The following POLR3G variants were observed in gnomAD, a reference collection of about 807,000 sequenced individuals.
The protein encoded by POLR3G is RNA polymerase III subunit G.
A neutral mutation model predicts 30.1 loss-of-function variants in POLR3G; 28 were observed. The observed-to-expected ratio is 0.93, with a 90% CI of 0.69 to 1.27. POLR3G has a LOEUF of 1.27. Among genes scored for constraint, POLR3G ranks in the 50% most tolerant of loss-of-function variants. The probability of loss-of-function intolerance (pLI) is 0.00; values close to 1 mark genes in which losing one functional copy is unlikely to be tolerated. For synonymous variants in POLR3G, 79 were observed against 82.5 expected, an observed-to-expected ratio of 0.96 and a Z score of 0.23; for missense variants, 254 against 264.6, an observed-to-expected ratio of 0.96 and a Z score of 0.28.
intron 7 of POLR3G, among the ~76,000 whole-genome samples, chr5:90,511,842 T>C (rs1009727324): frequency 6.6e-6 from 1 of 152,174 alleles, no homozygotes; most frequent in African/African-American, 2.4e-5. Context: ...CCTATTGAGA[T>C]GGTATGGGCA....
chr5:90,489,324 G>A (rs922661060), intron 3 of POLR3G, among the ~76,000 whole-genome samples: 3 of 149,122 alleles, frequency 2.0e-5, no homozygotes, highest in Non-Finnish European at 3.0e-5. Flanking sequence ...GGAGTGTAGT[G>A]GTACAATCTC....
intron 7 of POLR3G, among the ~76,000 whole-genome samples, chr5:90,510,554 T>G (rs750877057): frequency 6.6e-6 from 1 of 152,080 alleles, no homozygotes; most frequent in Non-Finnish European, 1.5e-5. Context: ...TTACTTTTAT[T>G]TCTACACAAG....
chr5:90,502,268 T>A, intron 6 of POLR3G: 4 of 981,598 alleles, frequency 4.1e-6, no homozygotes, highest in Non-Finnish European at 4.8e-6. Context: ...TATATTTGAA[T>A]CATGCAGGCA....
At chr5:90,493,054 T>A (rs1173968933) in intron 3 of POLR3G, among the ~76,000 whole-genome samples, 1 of 152,202 alleles carries the variant, frequency 6.6e-6, no homozygotes, top group African/African-American at 2.4e-5. Flanking sequence ...CTATTAAAGA[T>A]GTCTTTGGAA....
At chr5:90,488,280 GA>G (rs1751551952) in intron 3 of POLR3G, 151 bp downstream of exon 3, 3 of 533,688 alleles carry the variant, frequency 5.6e-6, no homozygotes, top group Non-Finnish European at 8.8e-6. Flanking sequence ...TGCTTTAACA[GA>G]AAAAATACTT....
At chr5:90,474,151 G>C (rs1324032427), upstream of POLR3G, 2 of 1,595,756 alleles carry the variant, frequency 1.3e-6, no homozygotes, top group Non-Finnish European at 1.7e-6. Context: ...CGCAGCCCCA[G>C]GCCTGTATCG....
chr5:90,489,894 G>T (rs1294258753), intron 3 of POLR3G, among the ~76,000 whole-genome samples: 2 of 152,050 alleles, frequency 1.3e-5, no homozygotes, highest in Non-Finnish European at 2.9e-5. Flanking sequence ...ATCACCTGAG[G>T]TCAGGAGTTC....
chr5:90,491,358 A>G (rs1751716478), intron 3 of POLR3G, among the ~76,000 whole-genome samples: 1 of 152,228 alleles, frequency 6.6e-6, no homozygotes, highest in South Asian at 2.1e-4. Context: ...AAGTAGAAAC[A>G]TGATTCTGAC....
chr5:90,474,404 G>T (rs1415087472), upstream of POLR3G: 1 of 1,004,406 alleles, frequency 1.0e-6, no homozygotes. Flanking sequence ...CAGCCAGGGA[G>T]GAGGCGTAGA....
chr5:90,474,857 A>T (rs1750704432), upstream of POLR3G: 1 of 157,786 alleles, frequency 6.3e-6, no homozygotes, highest in Admixed American at 6.5e-5. Context: ...GCTAGTTGGT[A>T]GGGCTCACTC....
At chr5:90,494,044 A>G (rs1751868230) in intron 3 of POLR3G, among the ~76,000 whole-genome samples, 2 of 152,046 alleles carry the variant, frequency 1.3e-5, no homozygotes, top group African/African-American at 4.8e-5. Flanking sequence ...TTCATCATCT[A>G]GAAAAGAAAT....
chr5:90,487,710 G>T (rs527471820), intron 2 of POLR3G, among the ~76,000 whole-genome samples: 1 of 152,058 alleles, frequency 6.6e-6, no homozygotes, highest in African/African-American at 2.4e-5. Context: ...AATTTTTAAA[G>T]TAGATAATCA....
At chr5:90,499,662 A>T (rs1752152846) in intron 5 of POLR3G, among the ~76,000 whole-genome samples, 1 of 152,166 alleles carries the variant, frequency 6.6e-6, no homozygotes, top group African/African-American at 2.4e-5. Flanking sequence ...CAACTAAGAG[A>T]AGAGAAGAGA....
intron 1 of POLR3G, among the ~76,000 whole-genome samples, chr5:90,483,024 CA>C (rs1480789520): frequency 1.3e-5 from 2 of 151,594 alleles, no homozygotes; most frequent in East Asian, 3.9e-4. Context: ...CCTGTAATCT[CA>C]ACTACTCGGG....
chr5:90,508,257 A>G (rs1466346737), intron 7 of POLR3G, among the ~76,000 whole-genome samples: 1 of 152,106 alleles, frequency 6.6e-6, no homozygotes, highest in Non-Finnish European at 1.5e-5. Context: ...CGGGAAATGA[A>G]GTCATCAAGA....
At chr5:90,475,191 T>G (rs1174470554) in intron 1 of POLR3G, among the ~76,000 whole-genome samples, 171 bp downstream of exon 1, 2 of 152,152 alleles carry the variant, frequency 1.3e-5, no homozygotes, top group East Asian at 1.9e-4. Flanking sequence ...CCTGCTCCCT[T>G]CAGAATTTTT....
Position 90,506,603 on chromosome 5 carries a change from AAAG to A in POLR3G, c.518_520del (p.Glu173del), listed in dbSNP as rs757327074. On this transcript the variant is annotated inframe_deletion, in exon 7 of 8. Coordinates refer to ENST00000651687, the MANE Select transcript of POLR3G (RefSeq NM_006467.3). ...GAAAGAAGGAAGCAAAGAGAAAAGT[AAAG>A]AAGGTGATGATGACGATGACGATGA... 2.5e-6 allele frequency: 4 copies of A among 1,613,780 alleles called. No individual in the cohort carries two copies. The highest frequency in any genetic ancestry group is 1.3e-5 in the African/African-American group (1 of 74,926).
intron 1 of POLR3G, among the ~76,000 whole-genome samples, chr5:90,481,830 TG>T (rs746655140): frequency 6.5e-4 from 99 of 152,296 alleles, no homozygotes; most frequent in Non-Finnish European, 2.6e-4. Context: ...TTGTTAAAAT[TG>T]TAGATGCAAT....
chr5:90,500,427 T>C (rs1218664356), intron 5 of POLR3G, among the ~76,000 whole-genome samples: 1 of 152,184 alleles, frequency 6.6e-6, no homozygotes, highest in African/African-American at 2.4e-5. Flanking sequence ...GTTTATGTTA[T>C]GAAATTAAAT....
Sources: gnomAD v4.1 joint callset for allele counts (sites outside exome capture counted in the v4.1 genomes callset) on GRCh38, gnomAD v4.1.1 for gene constraint, MANE v1.5 for transcripts, NCBI Gene and HGNC (gene_info 2026-07-23, HGNC 2026-07-21) for gene names.